The following NDUFS1 variants were observed in gnomAD, a reference collection of about 807,000 sequenced individuals.
NDUFS1 encodes NADH:ubiquinone oxidoreductase core subunit S1, also known as NADH-ubiquinone oxidoreductase 75 kDa subunit, mitochondrial.
A neutral mutation model predicts 84.4 loss-of-function variants in NDUFS1; 61 were observed. The ratio of observed to expected loss-of-function variants is 0.72; its 90% confidence interval spans 0.59 to 0.89. NDUFS1 has a LOEUF of 0.89. Ranked by LOEUF, NDUFS1 falls within the 40% of genes least tolerant of loss-of-function variation. The pLI is 0.00. For synonymous variants in NDUFS1, 275 were observed against 290.0 expected (o/e 0.95, Z 0.53); for missense variants, 891 against 890.0 (o/e 1.00, Z -0.01).
chr2:206,147,974 G>C, intron 5 of NDUFS1, 140 bp from the exon 6 acceptor site: 1 of 789,554 alleles, frequency 1.3e-6, no homozygotes, highest in South Asian at 1.5e-5. Context: ...CTGCAGTGCA[G>C]TGGCACAATC....
At position 206,124,022 on chromosome 2, in the gene NDUFS1, T is replaced by C; in HGVS notation, c.*163A>G. On this transcript the variant is annotated 3_prime_UTR_variant, in exon 19 of 19. Transcript: ENST00000233190. Reference sequence around the variant, plus strand: ...AATACATGTTTTTCAAACTGCAAAGTTGATAACTAATATCATTTTCAAATA... The same window carrying C: ...AATACATGTTTTTCAAACTGCAAAGCTGATAACTAATATCATTTTCAAATA... 3 of 612,366 alleles carry C rather than the reference T, an allele frequency of 4.9e-6. No homozygotes were observed. The highest frequency in any genetic ancestry group is 8.6e-6 in the Non-Finnish European group (3 of 348,554). 37.9% of individuals were successfully genotyped at this position (612,366 alleles called of 1,614,324 possible).
intron 9 of NDUFS1, among the ~76,000 whole-genome samples, chr2:206,144,427 C>CA (rs918606329): frequency 1.3e-5 from 2 of 152,150 alleles, no homozygotes; most frequent in African/African-American, 4.8e-5. Flanking sequence ...AATTACAACA[C>CA]AAAAAAATCT....
rs183963188 is a variant in NDUFS1, at chr2:206,148,406, G to A, written c.339-572C>T. Among the ~76,000 whole-genome samples the A allele has an allele frequency of 3.5e-4, 53 of 152,176 alleles. No individual in the cohort carries two copies. In the East Asian group the frequency reaches 9.7e-3, roughly 28 times the overall value. ...GCTCCTGGGCTCAAGTGATCCTCCCGAGTATCATTCTGGTAGTATTAAACA... is the reference window on the plus strand; with the variant it reads ...GCTCCTGGGCTCAAGTGATCCTCCCAAGTATCATTCTGGTAGTATTAAACA... On this transcript the variant is annotated intron_variant, in intron 5 of 18. Coordinates refer to ENST00000233190, the MANE Select transcript of NDUFS1 (RefSeq NM_005006.7).
intron 18 of NDUFS1, 136 bp downstream of exon 18, chr2:206,126,403 T>C (rs1575943512): frequency 1.2e-6 from 1 of 848,524 alleles, no homozygotes; most frequent in Non-Finnish European, 1.9e-6. Flanking sequence ...TTACGTTAGT[T>C]CCAATGTTTG....
chr2:206,148,941 T>A, intron 5 of NDUFS1, 79 bp downstream of exon 5: 1 of 1,029,128 alleles, frequency 9.7e-7, no homozygotes, highest in Admixed American at 1.8e-5. Context: ...AAATTCTTAA[T>A]CTATGGGAAG....
chr2:206,138,329 C>A (rs1264554742), intron 13 of NDUFS1, among the ~76,000 whole-genome samples, 156 bp downstream of exon 13: 1 of 152,232 alleles, frequency 6.6e-6, no homozygotes, highest in Non-Finnish European at 1.5e-5. Flanking sequence ...GATCCACCTG[C>A]CTCGGACTCC....
intron 2 of NDUFS1, 150 bp from the exon 3 acceptor site, chr2:206,152,660 C>A: frequency 1.6e-6 from 1 of 642,054 alleles, no homozygotes; most frequent in Non-Finnish European, 2.9e-6. Context: ...TGGTTGTCTA[C>A]TTTTGATAGC....
intron 1 of NDUFS1, among the ~76,000 whole-genome samples, chr2:206,158,721 C>T (rs1159159948): frequency 1.3e-5 from 2 of 152,220 alleles, no homozygotes. Flanking sequence ...TGATCCAAGA[C>T]CTTACAGTTC....
chr2:206,141,333 A>G (rs1205223733), intron 12 of NDUFS1, among the ~76,000 whole-genome samples: 1 of 151,336 alleles, frequency 6.6e-6, no homozygotes, highest in African/African-American at 2.4e-5. Flanking sequence ...TCACAAGGTC[A>G]GGAGATCGAG....
intron 13 of NDUFS1, among the ~76,000 whole-genome samples, chr2:206,133,836 C>T (rs1691606358): frequency 6.6e-6 from 1 of 152,114 alleles, no homozygotes; most frequent in African/African-American, 2.4e-5. Context: ...AAAAATTAAC[C>T]AGGTGCGGTG....
chr2:206,116,520 TG>T lies in NDUFS1; in HGVS notation c.*7664del. 1.7e-6 allele frequency: 2 copies of T among 1,143,624 alleles called. No individual in the cohort carries two copies. The highest frequency in any genetic ancestry group is 1.5e-5 in the African/African-American group (1 of 65,340). 70.8% of individuals were successfully genotyped at this position (1,143,624 alleles called of 1,614,324 possible). A position where few individuals can be genotyped will look rare whatever the true frequency, so the allele number is the denominator to read the frequency against. On this transcript the variant is annotated 3_prime_UTR_variant, in exon 19 of 19. Coordinates refer to ENST00000233190, the MANE Select transcript of NDUFS1 (RefSeq NM_005006.7). ...CGCCATGTTCCCAGGGGTGCGGGGA[TG>T]GCAGCGCTACGCCTCAGCCACTCGC...
At chr2:206,136,802 C>G (rs767845066) in intron 13 of NDUFS1, among the ~76,000 whole-genome samples, 4 of 151,256 alleles carry the variant, frequency 2.6e-5, no homozygotes, top group Non-Finnish European at 4.4e-5. Flanking sequence ...GTTGCCCAGG[C>G]TGGAGTGCAA....
intron 1 of NDUFS1, among the ~76,000 whole-genome samples, chr2:206,154,830 G>A (rs1687575198): frequency 6.6e-6 from 1 of 151,710 alleles, no homozygotes; most frequent in Non-Finnish European, 1.5e-5. Context: ...TCACCATGTT[G>A]GCCAGGCTGG....
In NDUFS1 at chr2:206,133,028, A is replaced by G. The variant is rs1295172820; in HGVS notation, c.1470T>C (p.Leu490=). 29 of 1,613,854 alleles carry G rather than the reference A, an allele frequency of 1.8e-5. No homozygotes were observed. Among genetic ancestry groups the G allele is most frequent in the Non-Finnish European group, 2.2e-5 (26 of 1,179,928 alleles). ...TTTGTGCAATGCTAGAAACAGCTGC[A>G]AGAATTGCTGCTCCATCATTTCTTT... ...ALQRNDGAAI[L]AAVSSIAQKI... The change falls in exon 14 of 19, where the codon CTT becomes CTC. Residue 490 remains leucine (L), a synonymous_variant. Transcript: ENST00000233190.
chr2:206,127,888 T>C lies in NDUFS1; in HGVS notation c.1793A>G (p.Asn598Ser), dbSNP rs1274394829. 3.1e-6 allele frequency: 5 copies of C among 1,614,146 alleles called. No individual in the cohort carries two copies. The highest frequency in any genetic ancestry group is 1.1e-5 in the South Asian group (1 of 91,082). The part of the protein sequence containing the change: ...AYTEKSATYV[N>S]TEGRAQQTKV... ...AGTCTGCTGAGCTCTACCCTCAGTGTTGACATATGTAGCAGACTTCTCTGT... is the reference window on the plus strand; with the variant it reads ...AGTCTGCTGAGCTCTACCCTCAGTGCTGACATATGTAGCAGACTTCTCTGT... The change falls in exon 16 of 19, where the codon AAC becomes AGC. Residue 598 changes from asparagine (N) to serine (S), a missense_variant. Coordinates refer to ENST00000233190, the MANE Select transcript of NDUFS1 (RefSeq NM_005006.7).
intron 13 of NDUFS1, among the ~76,000 whole-genome samples, chr2:206,137,644 T>C (rs761967352): frequency 1.1e-4 from 16 of 152,032 alleles, no homozygotes; most frequent in Non-Finnish European, 1.0e-4. Context: ...TCTTCAGGAA[T>C]AGACATTCTC....
At chr2:206,141,796 A>G in intron 12 of NDUFS1, 145 bp downstream of exon 12, 1 of 643,272 alleles carries the variant, frequency 1.6e-6, no homozygotes. Flanking sequence ...ACTCCGTCCC[A>G]CCAAAAAAAA....
At position 206,159,359 on chromosome 2, in the gene NDUFS1, G is replaced by T; in HGVS notation, c.-23C>A. The T allele has an allele frequency of 1.7e-6, 1 of 596,306 alleles. No individual in the cohort carries two copies. The highest frequency in any genetic ancestry group is 3.0e-6 in the Non-Finnish European group (1 of 334,918). 36.9% of individuals were successfully genotyped at this position (596,306 alleles called of 1,614,324 possible). A position where few individuals can be genotyped will look rare whatever the true frequency, so the allele number is the denominator to read the frequency against. On this transcript the variant is annotated 5_prime_UTR_variant, in exon 1 of 19. Transcript: ENST00000233190. ...ACCTCACCTTCTCCCCGGAGCCGCG[G>T]AGGCTGTTCTGCTAAACTGTCTGGA...
chr2:206,125,027 A>T (rs55968195), intron 18 of NDUFS1, among the ~76,000 whole-genome samples: 11 of 150,648 alleles, frequency 7.3e-5, no homozygotes, highest in Non-Finnish European at 1.5e-4. Flanking sequence ...TTTTTTTTTT[A>T]AAGAGACCAG....
Sources: allele counts gnomAD v4.1 joint callset (sites outside exome capture counted in the v4.1 genomes callset), GRCh38; gene constraint gnomAD v4.1.1; transcripts MANE v1.5; gene names NCBI Gene and HGNC (gene_info 2026-07-23, HGNC 2026-07-21).